The following UST variants were observed in gnomAD, a reference collection of about 807,000 sequenced individuals.
UST encodes chondroitin sulfate 2-O-sulfotransferase.
In UST, 21 loss-of-function variants were observed where a neutral mutation model predicts 45.6. The ratio of observed to expected loss-of-function variants is 0.46; its 90% CI spans 0.33 to 0.66. UST has a LOEUF of 0.66. UST is among the 30% of genes least tolerant of loss of function. UST has a pLI of 0.02. For synonymous variants in UST, 215 were observed against 200.6 expected (o/e 1.07, Z -0.61); for missense variants, 463 against 512.4 (o/e 0.90, Z 0.93).
chr6:148,826,704 A>C (rs1245893160), intron 1 of UST, among the ~76,000 whole-genome samples: 1 of 152,222 alleles, frequency 6.6e-6, no homozygotes, highest in Non-Finnish European at 1.5e-5. Flanking sequence ...CAATCCACAT[A>C]CCATGGGCTA....
At chr6:149,000,687 T>G (rs1781531605) in intron 5 of UST, among the ~76,000 whole-genome samples, 2 of 152,046 alleles carry the variant, frequency 1.3e-5, no homozygotes, top group African/African-American at 4.8e-5. Context: ...CTAGGATGTT[T>G]GAAAAGACAA....
At chr6:148,908,678 A>C (rs1779414821) in intron 2 of UST, among the ~76,000 whole-genome samples, 2 of 152,204 alleles carry the variant, frequency 1.3e-5, no homozygotes, top group South Asian at 4.1e-4. Flanking sequence ...CTCTGTGAAC[A>C]TGAGTCATTT....
intron 1 of UST, among the ~76,000 whole-genome samples, chr6:148,798,262 C>T (rs935966954): frequency 6.6e-6 from 1 of 152,168 alleles, no homozygotes; most frequent in Non-Finnish European, 1.5e-5. Flanking sequence ...GAGCTTCCCT[C>T]AGAGCCAAGG....
chr6:148,950,001 C>T (rs1382954721), intron 3 of UST, among the ~76,000 whole-genome samples: 2 of 152,224 alleles, frequency 1.3e-5, no homozygotes, highest in African/African-American at 4.8e-5. Flanking sequence ...GTTGTCCTAG[C>T]CAGGAATCTG....
chr6:149,012,803 T>TA (rs1562329352), intron 5 of UST, among the ~76,000 whole-genome samples: 7 of 87,218 alleles, frequency 8.0e-5, no homozygotes, highest in South Asian at 2.9e-4. Flanking sequence ...GAGTCACTAT[T>TA]TAAAAAAAAA....
intron 7 of UST, among the ~76,000 whole-genome samples, chr6:149,024,989 T>A (rs757053386): frequency 6.6e-5 from 10 of 152,070 alleles, no homozygotes; most frequent in Non-Finnish European, 8.8e-5. Flanking sequence ...TTCTGGTAAC[T>A]CCTCTCTAGC....
intron 1 of UST, among the ~76,000 whole-genome samples, chr6:148,826,394 TG>T (rs1777567795): frequency 6.6e-6 from 1 of 152,058 alleles, no homozygotes; most frequent in Non-Finnish European, 1.5e-5. Flanking sequence ...ATCACAGGCA[TG>T]AGCCATGGTG....
At chr6:148,846,175 T>C (rs1334050412) in intron 1 of UST, among the ~76,000 whole-genome samples, 8 of 151,026 alleles carry the variant, frequency 5.3e-5, no homozygotes, top group Non-Finnish European at 1.2e-4. Context: ...CTATTCACAA[T>C]AGCAAAGACT....
chr6:148,854,076 A>C (rs567223757), intron 1 of UST, among the ~76,000 whole-genome samples: 34 of 152,366 alleles, frequency 2.2e-4, no homozygotes, highest in Middle Eastern at 6.8e-3. Flanking sequence ...AAACAAACAA[A>C]AAGGTTTTTT....
At chr6:148,977,060 G>A (rs942417898) in intron 5 of UST, among the ~76,000 whole-genome samples, 7 of 151,920 alleles carry the variant, frequency 4.6e-5, no homozygotes, top group African/African-American at 1.4e-4. Context: ...TATCAATGTA[G>A]TTTCTTTTTT....
intron 1 of UST, among the ~76,000 whole-genome samples, chr6:148,871,147 C>T (rs9373577): frequency 0.032 from 635 of 19,978 alleles, no homozygotes; most frequent in African/African-American, 0.057. Context: ...TCTCTCTCTC[C>T]CTCTCTCCCT....
chr6:148,788,286 T>G (rs1424216948), intron 1 of UST, among the ~76,000 whole-genome samples: 4 of 152,152 alleles, frequency 2.6e-5, no homozygotes, highest in African/African-American at 9.7e-5. Flanking sequence ...GGGAGTATAA[T>G]TCAAGATGAG....
intron 4 of UST, among the ~76,000 whole-genome samples, chr6:148,961,662 A>G (rs1004864349): frequency 2.0e-5 from 3 of 152,232 alleles, no homozygotes; most frequent in African/African-American, 2.4e-5. Flanking sequence ...AGACTTTTCA[A>G]CTGATACAGT....
At chr6:148,914,694 G>A (rs933418959) in intron 2 of UST, among the ~76,000 whole-genome samples, 4 of 152,018 alleles carry the variant, frequency 2.6e-5, no homozygotes, top group Non-Finnish European at 4.4e-5. Flanking sequence ...ATGCTCACTC[G>A]CCCGCCCACC....
intron 7 of UST, among the ~76,000 whole-genome samples, chr6:149,043,314 C>T (rs956933838): frequency 4.6e-5 from 7 of 151,866 alleles, no homozygotes; most frequent in African/African-American, 1.7e-4. Context: ...TCTCACTGTG[C>T]TGCCCAGGCT....
chr6:148,758,740 C>T (rs1776144973), intron 1 of UST, among the ~76,000 whole-genome samples: 1 of 152,234 alleles, frequency 6.6e-6, no homozygotes, highest in Non-Finnish European at 1.5e-5. Context: ...CTGTTAGCCT[C>T]CAGTAGGTGT....
chr6:148,932,263 C>T (rs1350332586), intron 2 of UST, among the ~76,000 whole-genome samples: 1 of 152,062 alleles, frequency 6.6e-6, no homozygotes. Flanking sequence ...GCCTGTAATC[C>T]TAGCTGTTCA....
chr6:149,029,469 ATATAT>A (rs1327317894), intron 7 of UST, among the ~76,000 whole-genome samples: 1 of 145,346 alleles, frequency 6.9e-6, no homozygotes, highest in African/African-American at 2.5e-5. Flanking sequence ...TATATATTAT[ATATAT>A]AATGTATATA....
chr6:148,833,184 G>T (rs941683041), intron 1 of UST, among the ~76,000 whole-genome samples: 4 of 152,136 alleles, frequency 2.6e-5, no homozygotes, highest in African/African-American at 9.6e-5. Flanking sequence ...GTATAAGCAT[G>T]TTTTTTAAAA....
Sources: gnomAD v4.1 joint callset for allele counts (sites outside exome capture counted in the v4.1 genomes callset) on GRCh38, gnomAD v4.1.1 for gene constraint, MANE v1.5 for transcripts, NCBI Gene and HGNC (gene_info 2026-07-23, HGNC 2026-07-21) for gene names.